Variants in FBXL2 observed in about 807,000 individuals in gnomAD.
The protein encoded by FBXL2 is F-box and leucine rich repeat protein 2, also known as F-box/LRR-repeat protein 2.
A neutral mutation model predicts 69.2 loss-of-function variants in FBXL2; 38 were observed. The ratio of observed to expected loss-of-function variants is 0.55; its 90% CI spans 0.42 to 0.72. The LOEUF is 0.72. Ranked by LOEUF, FBXL2 falls within the 30% of genes least tolerant of loss-of-function variation. The pLI is 0.00. For missense variants in FBXL2, 354 were observed against 520.3 expected, an observed-to-expected ratio of 0.68 and a Z score of 3.11; for synonymous variants, 192 against 201.3, an observed-to-expected ratio of 0.95 and a Z score of 0.39.
chr3:33,402,675 A>C (rs768674986), intron 12 of FBXL2: 2 of 623,152 alleles, frequency 3.2e-6, no homozygotes, highest in Non-Finnish European at 5.1e-6. Flanking sequence ...AAGATACAGG[A>C]TACTTCCCCT....
At chr3:33,397,084 G>A in intron 12 of FBXL2, 1 of 1,603,302 alleles carries the variant, frequency 6.2e-7, no homozygotes, top group Non-Finnish European at 8.5e-7. Context: ...TCCATCGGCT[G>A]CACCACAAAT....
chr3:33,311,634 T>C (rs2037206436), intron 2 of FBXL2, among the ~76,000 whole-genome samples: 1 of 152,048 alleles, frequency 6.6e-6, no homozygotes, highest in South Asian at 2.1e-4. Flanking sequence ...TTTGGCTCTT[T>C]TTTTTTTGAG....
chr3:33,302,174 T>A (rs1371826678), intron 2 of FBXL2, among the ~76,000 whole-genome samples: 17 of 152,214 alleles, frequency 1.1e-4, no homozygotes, highest in Admixed American at 1.1e-3. Flanking sequence ...ATGCTACTGC[T>A]AACAATATCT....
At chr3:33,285,491 A>C (rs1178084455) in intron 1 of FBXL2, among the ~76,000 whole-genome samples, 1 of 152,006 alleles carries the variant, frequency 6.6e-6, no homozygotes, top group African/African-American at 2.4e-5. Context: ...CTTCATTTCA[A>C]CTTTGGTGAA....
At chr3:33,389,973 C>T (rs1409370377), downstream of FBXL2, 1 of 214,198 alleles carries the variant, frequency 4.7e-6, no homozygotes, top group African/African-American at 2.3e-5. Flanking sequence ...TAAATGCCCA[C>T]AGTAAGTTTC....
chr3:33,383,869 G>C, intron 13 of FBXL2, 120 bp from the exon 14 acceptor site: 3 of 811,298 alleles, frequency 3.7e-6, no homozygotes, highest in Non-Finnish European at 4.1e-6. Flanking sequence ...TCTGCTGAGG[G>C]CATTCTTGCT....
At chr3:33,346,038 C>G (rs2040406841) in intron 2 of FBXL2, among the ~76,000 whole-genome samples, 1 of 152,068 alleles carries the variant, frequency 6.6e-6, no homozygotes, top group South Asian at 2.1e-4. Flanking sequence ...ACCAGCCTGG[C>G]CAACATGGTT....
intron 2 of FBXL2, among the ~76,000 whole-genome samples, chr3:33,307,825 A>G (rs1302212976): frequency 1.3e-5 from 2 of 152,162 alleles, no homozygotes; most frequent in Non-Finnish European, 2.9e-5. Flanking sequence ...TAAATCAGAA[A>G]TTATTTAAAA....
At chr3:33,283,827 T>C (rs2034308731) in intron 1 of FBXL2, among the ~76,000 whole-genome samples, 1 of 152,246 alleles carries the variant, frequency 6.6e-6, no homozygotes, top group Admixed American at 6.5e-5. Context: ...TTTTCTAGTT[T>C]ATTTGCATAG....
At chr3:33,402,251 A>G (rs1462135683) in intron 12 of FBXL2, among the ~76,000 whole-genome samples, 3 of 152,194 alleles carry the variant, frequency 2.0e-5, no homozygotes, top group African/African-American at 4.8e-5. Context: ...TCCCACCCTG[A>G]GCTTACTCTA....
At chr3:33,334,979 TGG>T (rs1244892125) in intron 2 of FBXL2, among the ~76,000 whole-genome samples, 1 of 152,014 alleles carries the variant, frequency 6.6e-6, no homozygotes, top group South Asian at 2.1e-4. Context: ...TGCATACCTG[TGG>T]TCTCAGCTAC....
chr3:33,328,473 C>G (rs12486515), intron 2 of FBXL2, among the ~76,000 whole-genome samples: 2 of 152,084 alleles, frequency 1.3e-5, no homozygotes, highest in South Asian at 4.1e-4. Context: ...GTAACCAAAT[C>G]TGTATGGTGC....
intron 5 of FBXL2, among the ~76,000 whole-genome samples, chr3:33,368,720 G>A (rs756395909): frequency 6.6e-6 from 1 of 151,880 alleles, no homozygotes; most frequent in South Asian, 2.1e-4. Context: ...CCGAGTAGCT[G>A]GGACCACAGG....
the FBXL2 span, among the ~76,000 whole-genome samples, chr3:33,420,188 A>G: frequency 4.6e-5 from 7 of 152,230 alleles, no homozygotes; most frequent in African/African-American, 1.4e-4. Context: ...CTTTAGTAAC[A>G]TGAACTGAAA....
intron 13 of FBXL2, among the ~76,000 whole-genome samples, chr3:33,379,397 C>T (rs1251797190): frequency 6.6e-6 from 1 of 152,140 alleles, no homozygotes; most frequent in Non-Finnish European, 1.5e-5. Context: ...CTCTGTCACC[C>T]AGGCTGGACT....
intron 14 of FBXL2, 94 bp downstream of exon 14, chr3:33,384,295 T>C: frequency 8.0e-7 from 1 of 1,246,524 alleles, no homozygotes; most frequent in Non-Finnish European, 1.1e-6. Flanking sequence ...ACGCGGTGGC[T>C]CACGCCTGTA....
intron 12 of FBXL2, among the ~76,000 whole-genome samples, chr3:33,398,756 TAA>T (rs2154055632): frequency 6.6e-6 from 1 of 152,320 alleles, no homozygotes; most frequent in East Asian, 1.9e-4. Context: ...TTGCCTGATG[TAA>T]AAGGAGTAAT....
the FBXL2 span, chr3:33,409,459 T>C: frequency 1.5e-5 from 24 of 1,614,068 alleles, no homozygotes; most frequent in African/African-American, 1.3e-4. Context: ...CTTAAAAACT[T>C]TGATTTGGCA....
the FBXL2 span, among the ~76,000 whole-genome samples, chr3:33,412,374 C>CATAT: frequency 1.3e-5 from 2 of 151,662 alleles, no homozygotes; most frequent in African/African-American, 4.8e-5. Context: ...TACATACATA[C>CATAT]ATATATATGT....
Sources: gnomAD v4.1 joint callset for allele counts (sites outside exome capture counted in the v4.1 genomes callset) on GRCh38, gnomAD v4.1.1 for gene constraint, MANE v1.5 for transcripts, NCBI Gene and HGNC (gene_info 2026-07-23, HGNC 2026-07-21) for gene names.